Variants in KCND3 observed in about 807,000 individuals in gnomAD.
KCND3 encodes the protein potassium voltage-gated channel subfamily D member 3.
Under a neutral mutation model 51.1 loss-of-function variants are expected in KCND3, and 9 were observed. That is an observed-to-expected ratio of 0.18 (90% confidence interval 0.11 to 0.31). KCND3 has a LOEUF of 0.31. Ranked by LOEUF, KCND3 falls within the 10% of genes least tolerant of loss-of-function variation. The probability of loss-of-function intolerance (pLI) is 1.00; values close to 1 mark genes in which losing one functional copy is unlikely to be tolerated. For missense variants in KCND3, 526 were observed against 903.8 expected (o/e 0.58, Z 5.36); for synonymous variants, 349 against 368.0 (o/e 0.95, Z 0.59).
rs1303095243 is a variant in KCND3 at position 111,982,924 on chromosome 1, T to C, written c.-72-126A>G. 5.7e-6 allele frequency: 4 copies of C among 704,646 alleles called. No individual in the cohort carries two copies. The highest frequency in any genetic ancestry group is 1.8e-5 in the South Asian group (1 of 55,124). 43.6% of individuals were successfully genotyped at this position (704,646 alleles called of 1,614,324 possible). On this transcript the variant is annotated intron_variant, in intron 1 of 7. Transcript: ENST00000302127. The surrounding 1 kb of genome is among the most constrained non-coding windows in gnomAD (Gnocchi z 8.5). The stretch of plus-strand genomic sequence containing the variant: ...AGTCTCCAGGGCAGATTAATAAAAC[T>C]GAAATCCCCACCACAGAGAGGGGAC...
intron 2 of KCND3, among the ~76,000 whole-genome samples, chr1:111,871,862 G>A (rs2101716013): frequency 6.6e-6 from 1 of 152,234 alleles, no homozygotes; most frequent in Middle Eastern, 3.4e-3. Context: ...GTGAAGAGAG[G>A]TCCAAGGAAA....
intron 2 of KCND3, among the ~76,000 whole-genome samples, chr1:111,885,238 C>A (rs542318966): frequency 2.0e-5 from 3 of 152,178 alleles, no homozygotes; most frequent in African/African-American, 7.2e-5. Context: ...ACTGTGTACC[C>A]GCATGCTGAT....
At chr1:111,795,486 T>C (rs1665016114) in intron 2 of KCND3, among the ~76,000 whole-genome samples, 1 of 152,210 alleles carries the variant, frequency 6.6e-6, no homozygotes, top group Non-Finnish European at 1.5e-5. Context: ...AGCCCCATTT[T>C]TGAGATTAGG....
At chr1:111,871,377 A>G (rs1668821906) in intron 2 of KCND3, among the ~76,000 whole-genome samples, 1 of 152,220 alleles carries the variant, frequency 6.6e-6, no homozygotes, top group African/African-American at 2.4e-5. Context: ...GGCAGAGAAA[A>G]CACAGACAAG....
chr1:111,942,096 CACG>C (rs1360293365), intron 2 of KCND3, among the ~76,000 whole-genome samples: 1 of 152,172 alleles, frequency 6.6e-6, no homozygotes, highest in Non-Finnish European at 1.5e-5. Context: ...GGGCACAAGC[CACG>C]TCCACATAAT....
intron 3 of KCND3, among the ~76,000 whole-genome samples, chr1:111,782,025 G>A (rs554062078): frequency 1.3e-5 from 2 of 152,140 alleles, no homozygotes; most frequent in South Asian, 4.1e-4. Flanking sequence ...CAGCCCACAA[G>A]GATAGCAGAC....
chr1:111,889,804 G>C (rs543261369), intron 2 of KCND3, among the ~76,000 whole-genome samples: 2 of 152,174 alleles, frequency 1.3e-5, no homozygotes, highest in South Asian at 4.1e-4. Flanking sequence ...TCTTATGGAG[G>C]AAAACAACAG....
chr1:111,780,110 T>C lies in KCND3; in HGVS notation c.1461+115A>G. 1 of 1,146,246 alleles carries C rather than the reference T, an allele frequency of 8.7e-7. No homozygotes were observed. Among genetic ancestry groups the C allele is most frequent in the Non-Finnish European group, 1.3e-6 (1 of 780,430 alleles). The allele number at this position is 1,146,246 out of a possible 1,614,324, so 71.0% of individuals were successfully genotyped here. A position where few individuals can be genotyped will look rare whatever the true frequency, so the allele number is the denominator to read the frequency against. On this transcript the variant is annotated intron_variant, in intron 5 of 7. Transcript: ENST00000302127. This position sits in a 1 kb window ranked among gnomAD's most constrained non-coding sequence, Gnocchi z 4.2. ...GGCCAGTAGATCCCATCACTACCTT[T>C]TGGATCTGAAGGGGACAGACTTTGA...
chr1:111,851,800 C>T (rs1667827931), intron 2 of KCND3, among the ~76,000 whole-genome samples: 1 of 152,208 alleles, frequency 6.6e-6, no homozygotes, highest in African/African-American at 2.4e-5. Flanking sequence ...GCGGCCGTGG[C>T]TATGGAACAA....
intron 2 of KCND3, among the ~76,000 whole-genome samples, chr1:111,891,004 T>C (rs1313561768): frequency 2.0e-5 from 3 of 152,142 alleles, no homozygotes; most frequent in Admixed American, 6.5e-5. Flanking sequence ...GGCGTGGCAC[T>C]GACAGGCTGC....
At chr1:111,962,862 C>A (rs1164816871) in intron 2 of KCND3, among the ~76,000 whole-genome samples, 1 of 152,160 alleles carries the variant, frequency 6.6e-6, no homozygotes, top group African/African-American at 2.4e-5. Flanking sequence ...CTTCCTTTGG[C>A]CATTGGGACA....
At chr1:111,894,208 G>A (rs1261075924) in intron 2 of KCND3, among the ~76,000 whole-genome samples, 3 of 152,164 alleles carry the variant, frequency 2.0e-5, no homozygotes, top group Non-Finnish European at 4.4e-5. Context: ...TGTTCACTCT[G>A]CTCCAGCCTC....
intron 2 of KCND3, among the ~76,000 whole-genome samples, chr1:111,888,394 A>C (rs1669663070): frequency 6.6e-6 from 1 of 152,194 alleles, no homozygotes; most frequent in Admixed American, 6.5e-5. Flanking sequence ...GAAGAGAACA[A>C]AGACAGTGAG....
At chr1:111,896,206 C>A (rs914833628) in intron 2 of KCND3, among the ~76,000 whole-genome samples, 1 of 152,122 alleles carries the variant, frequency 6.6e-6, no homozygotes, top group Non-Finnish European at 1.5e-5. Context: ...AACCCGGAAC[C>A]CGGGCCTATT....
intron 2 of KCND3, among the ~76,000 whole-genome samples, chr1:111,910,612 C>T (rs1454999013): frequency 1.3e-5 from 2 of 152,198 alleles, no homozygotes; most frequent in Non-Finnish European, 2.9e-5. Context: ...AGAAGCAACA[C>T]CAACCTCCAC....
intron 2 of KCND3, among the ~76,000 whole-genome samples, chr1:111,936,072 A>G (rs1672204007): frequency 6.6e-6 from 1 of 152,214 alleles, no homozygotes; most frequent in Non-Finnish European, 1.5e-5. Flanking sequence ...AGTTTCCATG[A>G]ATTTGCTGAT....
chr1:111,958,624 C>T (rs922888839), intron 2 of KCND3, among the ~76,000 whole-genome samples: 1 of 152,206 alleles, frequency 6.6e-6, no homozygotes, highest in African/African-American at 2.4e-5. Context: ...CCAAGTTTCT[C>T]CAGGATTGTG....
intron 2 of KCND3, among the ~76,000 whole-genome samples, chr1:111,830,903 C>T (rs1435148002): frequency 6.6e-6 from 1 of 152,212 alleles, no homozygotes; most frequent in Non-Finnish European, 1.5e-5. Context: ...AATAAAAGGT[C>T]ATTGGGATTC....
intron 5 of KCND3, 140 bp from the exon 6 acceptor site, chr1:111,778,632 T>C: frequency 1.2e-6 from 1 of 814,654 alleles, no homozygotes; most frequent in East Asian, 2.6e-5. Flanking sequence ...ATTCCCAGCA[T>C]TCTGCCCCCT....
Sources: gnomAD v4.1 joint callset for allele counts (sites outside exome capture counted in the v4.1 genomes callset) on GRCh38, gnomAD v4.1.1 for gene constraint, Gnocchi (gnomAD v3.1) non-coding constraint, MANE v1.5 for transcripts, NCBI Gene and HGNC (gene_info 2026-07-23, HGNC 2026-07-21) for gene names.